The following ASCC1 variants were observed in gnomAD, a reference collection of about 807,000 sequenced individuals.
ASCC1 encodes ASC-1 complex subunit P50.
A neutral mutation model predicts 46.6 loss-of-function variants in ASCC1; 35 were observed. The ratio of observed to expected loss-of-function variants is 0.75; its 90% CI spans 0.57 to 0.99. The LOEUF is 0.99. Ranked by LOEUF, ASCC1 falls within the 50% of genes least tolerant of loss-of-function variation. The pLI is 0.00. For missense variants in ASCC1, 376 were observed against 428.7 expected, an observed-to-expected ratio of 0.88 and a Z score of 1.09; for synonymous variants, 143 against 146.6, an observed-to-expected ratio of 0.98 and a Z score of 0.18.
At chr10:72,174,465 G>C (rs1851621902) in intron 5 of ASCC1, among the ~76,000 whole-genome samples, 1 of 152,004 alleles carries the variant, frequency 6.6e-6, no homozygotes, top group Admixed American at 6.6e-5. Flanking sequence ...CATGAGATGG[G>C]ATACAACACA....
intron 6 of ASCC1, among the ~76,000 whole-genome samples, chr10:72,158,641 C>T (rs1217669182): frequency 6.6e-6 from 1 of 152,164 alleles, no homozygotes; most frequent in East Asian, 1.9e-4. Flanking sequence ...AAAATGAATA[C>T]TCAACTACTC....
intron 5 of ASCC1, among the ~76,000 whole-genome samples, chr10:72,183,095 T>C (rs1387532328): frequency 1.3e-5 from 2 of 149,262 alleles, no homozygotes; most frequent in Admixed American, 1.4e-4. Context: ...CAGGCTGGAG[T>C]GCAGTGGTGC....
intron 5 of ASCC1, among the ~76,000 whole-genome samples, chr10:72,175,518 C>T (rs548008983): frequency 2.0e-4 from 31 of 152,190 alleles, no homozygotes; most frequent in African/African-American, 7.5e-4. Flanking sequence ...GCTGTATAAG[C>T]TTTAGAAAAA....
chr10:72,128,070 C>T lies in ASCC1; in HGVS notation c.957+12G>A, dbSNP rs2132232311. 2.5e-6 allele frequency: 4 copies of T among 1,606,860 alleles called. No homozygotes were observed. Among genetic ancestry groups the T allele is most frequent in the Middle Eastern group, 1.7e-4 (1 of 6,050 alleles). ...GCCAAAGGATTTCCAATTCACTCTG[C>T]TTCATACTGACCTTTAAAATATTTC... On this transcript the variant is annotated intron_variant, in intron 9 of 9. Transcript: ENST00000672957.
chr10:72,138,135 G>T (rs1846490246), intron 7 of ASCC1, among the ~76,000 whole-genome samples: 1 of 152,194 alleles, frequency 6.6e-6, no homozygotes, highest in Non-Finnish European at 1.5e-5. Flanking sequence ...AAAGTGTTGG[G>T]ATTACAGGCG....
intron 8 of ASCC1, among the ~76,000 whole-genome samples, chr10:72,132,067 C>G (rs760916174): frequency 6.6e-6 from 1 of 151,988 alleles, no homozygotes; most frequent in South Asian, 2.1e-4. Flanking sequence ...CGGGGTTTCA[C>G]CATGTTGGCC....
chr10:72,174,296 G>A lies in ASCC1; in HGVS notation c.490-12622C>T, dbSNP rs78811265. On this transcript the variant is annotated intron_variant, in intron 5 of 9. Coordinates refer to ENST00000672957, the MANE Select transcript of ASCC1 (RefSeq NM_001198800.3). Reference sequence around the variant, plus strand: ...ACTTTTAATCCAGCACCCTGGGCTCGAGTGGGGCAGAACTGCTAATAATAC... The same window carrying A: ...ACTTTTAATCCAGCACCCTGGGCTCAAGTGGGGCAGAACTGCTAATAATAC... 4.4e-3 allele frequency among the ~76,000 whole-genome samples: 674 copies of A among 152,296 alleles called. 10 individuals are homozygous for A. The highest frequency in any genetic ancestry group is 0.015 in the African/African-American group (640 of 41,566).
intron 9 of ASCC1, among the ~76,000 whole-genome samples, chr10:72,115,275 G>A (rs1035790792): frequency 6.6e-6 from 1 of 152,158 alleles, no homozygotes; most frequent in Non-Finnish European, 1.5e-5. Context: ...GTGCCTGCCA[G>A]GTGCAAGACA....
At chr10:72,160,185 T>C (rs865850403) in intron 6 of ASCC1, among the ~76,000 whole-genome samples, 5 of 152,184 alleles carry the variant, frequency 3.3e-5, no homozygotes, top group African/African-American at 1.2e-4. Flanking sequence ...ATTACAGGTG[T>C]GAGCCACTGT....
intron 4 of ASCC1, among the ~76,000 whole-genome samples, chr10:72,199,615 T>C (rs767611309): frequency 6.6e-6 from 1 of 151,932 alleles, no homozygotes; most frequent in South Asian, 2.1e-4. Context: ...TTTGTATTTT[T>C]AGCAGAGACG....
At chr10:72,128,338 T>C (rs182514438) in intron 8 of ASCC1, among the ~76,000 whole-genome samples, 171 bp from the exon 9 acceptor site, 35 of 152,342 alleles carry the variant, frequency 2.3e-4, no homozygotes, top group African/African-American at 8.4e-4. Flanking sequence ...GCTTCTAGTC[T>C]CAGTTCTGTC....
intron 7 of ASCC1, among the ~76,000 whole-genome samples, chr10:72,139,525 AC>A (rs1673029002): frequency 6.6e-6 from 1 of 152,212 alleles, no homozygotes; most frequent in Non-Finnish European, 1.5e-5. Context: ...ATTAAATATA[AC>A]AGGGTTGCTA....
intron 9 of ASCC1, among the ~76,000 whole-genome samples, chr10:72,116,440 TAAA>T (rs924540358): frequency 2.0e-5 from 3 of 152,226 alleles, no homozygotes. Context: ...AGTTCCTGTT[TAAA>T]ATTCATTGGG....
chr10:72,109,175 G>A (rs780437248), intron 9 of ASCC1, among the ~76,000 whole-genome samples: 8 of 152,152 alleles, frequency 5.3e-5, no homozygotes, highest in Non-Finnish European at 1.0e-4. Flanking sequence ...CAGATCCAAG[G>A]AGAAAGGTCA....
At chr10:72,169,936 A>G (rs1358207058) in intron 5 of ASCC1, among the ~76,000 whole-genome samples, 3 of 152,196 alleles carry the variant, frequency 2.0e-5, no homozygotes, top group African/African-American at 7.2e-5. Context: ...CCTGGCCAAC[A>G]TGGTGAAACC....
intron 6 of ASCC1, among the ~76,000 whole-genome samples, chr10:72,160,336 A>T (rs969580621): frequency 1.3e-5 from 2 of 152,184 alleles, no homozygotes; most frequent in African/African-American, 4.8e-5. Context: ...AGAATGGAGT[A>T]AAAAAACTAT....
intron 7 of ASCC1, among the ~76,000 whole-genome samples, chr10:72,142,662 C>T (rs756349123): frequency 3.9e-5 from 6 of 152,012 alleles, no homozygotes; most frequent in Non-Finnish European, 7.4e-5. Context: ...GCACTGCACC[C>T]GGCCAGATTT....
chr10:72,193,898 G>A (rs1280971616), intron 5 of ASCC1, among the ~76,000 whole-genome samples: 5 of 149,308 alleles, frequency 3.3e-5, no homozygotes, highest in African/African-American at 7.4e-5. Context: ...GCAGTGGTGC[G>A]ATCTCTGCTC....
intron 5 of ASCC1, among the ~76,000 whole-genome samples, chr10:72,174,933 T>C (rs1303522613): frequency 2.6e-5 from 4 of 152,218 alleles, no homozygotes; most frequent in Admixed American, 6.5e-5. Flanking sequence ...AGATTATGTG[T>C]GAGGGATCTA....
Sources: allele counts gnomAD v4.1 joint callset (sites outside exome capture counted in the v4.1 genomes callset), GRCh38; gene constraint gnomAD v4.1.1; transcripts MANE v1.5; gene names NCBI Gene and HGNC (gene_info 2026-07-23, HGNC 2026-07-21).